SULT2B1: variants seen among roughly 807,000 people sequenced by gnomAD.
SULT2B1 encodes the protein sulfotransferase 2B1.
SULT2B1 carries 16 observed loss-of-function variants against 33.2 expected under a neutral mutation model. The ratio of observed to expected loss-of-function variants is 0.48; its 90% CI spans 0.33 to 0.73. The LOEUF is 0.73. Among genes scored for constraint, SULT2B1 ranks in the 30% least tolerant of loss-of-function variants. SULT2B1 has a pLI of 0.02. For synonymous variants in SULT2B1, 186 were observed against 200.5 expected (o/e 0.93, Z 0.61); for missense variants, 500 against 506.0 (o/e 0.99, Z 0.11).
intron 2 of SULT2B1, among the ~76,000 whole-genome samples, chr19:48,580,747 G>T (rs1601102262): frequency 6.6e-6 from 1 of 151,824 alleles, no homozygotes; most frequent in East Asian, 1.9e-4. Flanking sequence ...CACAAGTGAT[G>T]CTCCCACCCC....
rs567390898 is a variant in SULT2B1, at chr19:48,552,432, C to A, written c.71+109C>A. On this transcript the variant is annotated intron_variant, in intron 1 of 6. Transcript: ENST00000201586. This position sits in a 1 kb window ranked among gnomAD's most constrained non-coding sequence, Gnocchi z 4.8. Reference sequence around the variant, plus strand: ...GCCTCCAGCCACCCGCAGCCGCAGGCCTGGCCCAGACTTAGCTGGAGGGGC... The same window carrying A: ...GCCTCCAGCCACCCGCAGCCGCAGGACTGGCCCAGACTTAGCTGGAGGGGC... The A allele has an allele frequency of 2.4e-6, 3 of 1,230,202 alleles. No homozygotes were observed. Among genetic ancestry groups the A allele is most frequent in the African/African-American group, 3.0e-5 (2 of 65,616 alleles). The allele number at this position is 1,230,202 out of a possible 1,614,324, so 76.2% of individuals were successfully genotyped here.
At position 48,599,284 on chromosome 19, in the gene SULT2B1, G is replaced by A; in HGVS notation, c.976G>A (p.Glu326Lys). 3 of 1,610,750 alleles carry A rather than the reference G, an allele frequency of 1.9e-6. No homozygotes were observed. The highest frequency in any genetic ancestry group is 2.5e-6 in the Non-Finnish European group (3 of 1,178,802). ...DGSPDPEPSP[E>K]PEPKPSLEPN... ...CAGCCCAGATCCTGAGCCCAGCCCT[G>A]AGCCTGAGCCCAAGCCCAGCCTTGA... Residue 326 changes from glutamate (E) to lysine (K), a missense_variant, in exon 7 of 7, where the codon GAG becomes AAG. Coordinates refer to ENST00000201586, the MANE Select transcript of SULT2B1 (RefSeq NM_177973.2). This position sits in a 1 kb window ranked among gnomAD's most constrained non-coding sequence, Gnocchi z 4.1.
Position 48,587,262 on chromosome 19 carries a change from T to A in SULT2B1, c.248T>A (p.Ile83Asn). 1.2e-6 allele frequency: 2 copies of A among 1,613,962 alleles called. No homozygotes were observed. The highest frequency in any genetic ancestry group is 1.7e-6 in the Non-Finnish European group (2 of 1,179,954). ...TGGATGATCGAGATCATCTGCTTAATCCTGAAGGAAGGGGATCCATCCTGG... is the reference window on the plus strand; with the variant it reads ...TGGATGATCGAGATCATCTGCTTAAACCTGAAGGAAGGGGATCCATCCTGG... The part of the protein sequence containing the change: ...TTWMIEIICL[I>N]LKEGDPSWIR... Residue 83 changes from isoleucine (I) to asparagine (N), a missense_variant, in exon 3 of 7, where the codon ATC (isoleucine) becomes AAC (asparagine). Physicochemically the swap from Ile to Asn is moderately radical, Grantham distance 149. Transcript: ENST00000201586.
intron 1 of SULT2B1, among the ~76,000 whole-genome samples, chr19:48,556,949 C>CAAAAA (rs57288472): frequency 6.9e-6 from 1 of 144,288 alleles, no homozygotes. Flanking sequence ...GACTCTGTCT[C>CAAAAA]AAAAAAAAAA....
chr19:48,594,630 A>T (rs10417472), intron 5 of SULT2B1, among the ~76,000 whole-genome samples: 135,323 of 152,208 alleles, frequency 0.89, 60,247 homozygotes, highest in East Asian at 0.99. Context: ...GGTAAAGAGA[A>T]GGAAGGTTAT....
intron 2 of SULT2B1, among the ~76,000 whole-genome samples, chr19:48,581,274 T>C (rs7249780): frequency 0.081 from 11,875 of 146,292 alleles, 1,313 homozygotes; most frequent in African/African-American, 0.25. Flanking sequence ...GAACTCCCAA[T>C]CTCAGGTGAT....
intron 2 of SULT2B1, among the ~76,000 whole-genome samples, chr19:48,581,848 T>G (rs1042836511): frequency 5.3e-5 from 8 of 150,796 alleles, no homozygotes; most frequent in African/African-American, 1.9e-4. Context: ...CTTTTCATTT[T>G]CATATCAGCG....
chr19:48,569,658 C>G (rs1013775941), intron 1 of SULT2B1, among the ~76,000 whole-genome samples: 14 of 151,546 alleles, frequency 9.2e-5, no homozygotes, highest in Non-Finnish European at 1.9e-4. Context: ...GCCACCATGC[C>G]TGGCCTCAAG....
At chr19:48,590,331 G>A (rs913820602) in intron 3 of SULT2B1, among the ~76,000 whole-genome samples, 2 of 152,122 alleles carry the variant, frequency 1.3e-5, no homozygotes, top group African/African-American at 2.4e-5. Flanking sequence ...GCTGGGCATG[G>A]TGGCTCATGC....
At chr19:48,558,419 C>T (rs984777352) in intron 1 of SULT2B1, among the ~76,000 whole-genome samples, 1 of 152,170 alleles carries the variant, frequency 6.6e-6, no homozygotes, top group East Asian at 1.9e-4. Flanking sequence ...AGAGAAGCCA[C>T]GCCGGCCTTT....
chr19:48,575,348 C>G (rs1973389031), intron 1 of SULT2B1, among the ~76,000 whole-genome samples: 1 of 151,252 alleles, frequency 6.6e-6, no homozygotes, highest in South Asian at 2.1e-4. Flanking sequence ...GATCTCAGCT[C>G]ACTGAAACCT....
chr19:48,587,482 G>A (rs777499732), intron 3 of SULT2B1, 45 bp downstream of exon 3: 11 of 1,599,834 alleles, frequency 6.9e-6, no homozygotes, highest in African/African-American at 2.7e-5. Context: ...CTGCATGGGT[G>A]TATGGGGTAA....
intron 1 of SULT2B1, among the ~76,000 whole-genome samples, chr19:48,574,819 T>C (rs1318226316): frequency 9.9e-5 from 15 of 152,122 alleles, no homozygotes; most frequent in Admixed American, 9.2e-4. Context: ...GAAAACTAAT[T>C]ACCTCACTGC....
intron 2 of SULT2B1, among the ~76,000 whole-genome samples, chr19:48,581,857 C>T (rs924492476): frequency 2.0e-5 from 3 of 148,992 alleles, no homozygotes; most frequent in Non-Finnish European, 3.0e-5. Flanking sequence ...TTCATATCAG[C>T]GTCTTCTCAG....
intron 1 of SULT2B1, among the ~76,000 whole-genome samples, chr19:48,558,014 T>C (rs1422563119): frequency 6.6e-6 from 1 of 152,224 alleles, no homozygotes; most frequent in African/African-American, 2.4e-5. Context: ...GCTGACCCAG[T>C]AGGCTGACAA....
intron 3 of SULT2B1, among the ~76,000 whole-genome samples, chr19:48,589,990 T>C (rs1250742785): frequency 6.6e-6 from 1 of 152,076 alleles, no homozygotes; most frequent in African/African-American, 2.4e-5. Context: ...TTCTTTTTTC[T>C]TTTTTTGAGA....
intron 2 of SULT2B1, 46 bp downstream of exon 2, chr19:48,576,129 G>C: frequency 6.7e-7 from 1 of 1,500,970 alleles, no homozygotes; most frequent in Non-Finnish European, 9.2e-7. Context: ...GAGTGGGGAG[G>C]GGGTGCGGCA....
chr19:48,553,988 G>A lies in SULT2B1; in HGVS notation c.71+1665G>A, dbSNP rs558941098. 1.1e-3 allele frequency among the ~76,000 whole-genome samples: 161 copies of A among 152,022 alleles called. 2 individuals are homozygous for A. The highest frequency in any genetic ancestry group is 1.8e-3 in the Non-Finnish European group (120 of 67,984). On this transcript the variant is annotated intron_variant, in intron 1 of 6. Coordinates refer to ENST00000201586, the MANE Select transcript of SULT2B1 (RefSeq NM_177973.2). ...CTGGGAGCCTTTTTTTTATCTCCGC[G>A]ACGGCTCTGCCAGCTGGTCATAAAA...
chr19:48,573,329 T>C (rs1180873292), intron 1 of SULT2B1, among the ~76,000 whole-genome samples: 1 of 151,968 alleles, frequency 6.6e-6, no homozygotes, highest in African/African-American at 2.4e-5. Context: ...GTCCCTTTCA[T>C]TCCTCCACTC....
Sources: gnomAD v4.1 joint callset for allele counts (sites outside exome capture counted in the v4.1 genomes callset) on GRCh38, gnomAD v4.1.1 for gene constraint, Gnocchi (gnomAD v3.1) non-coding constraint, MANE v1.5 for transcripts, NCBI Gene and HGNC (gene_info 2026-07-23, HGNC 2026-07-21) for gene names.